Variants in SLC30A10 observed in about 807,000 individuals in gnomAD.
SLC30A10 encodes solute carrier family 30 member 10.
In SLC30A10, 8 loss-of-function variants were observed where a neutral mutation model predicts 21.7. The observed-to-expected ratio is 0.37, with a 90% CI of 0.22 to 0.67. The LOEUF (loss-of-function observed/expected upper bound fraction) is 0.67. SLC30A10 is among the 30% of genes least tolerant of loss of function. The pLI, the probability that SLC30A10 is intolerant of heterozygous loss-of-function variation, is 0.58. For synonymous variants in SLC30A10, 272 were observed against 279.4 expected (o/e 0.97, Z 0.26); for missense variants, 521 against 642.5 (o/e 0.81, Z 2.04).
At chr1:219,956,692 A>G (rs1341927615) in intron 1 of SLC30A10, among the ~76,000 whole-genome samples, 2 of 151,946 alleles carry the variant, frequency 1.3e-5, no homozygotes, top group Non-Finnish European at 1.5e-5. Flanking sequence ...AAAAGAAAAA[A>G]AAGAAACCCA....
chr1:219,947,633 A>C (rs1660207962), intron 1 of SLC30A10, among the ~76,000 whole-genome samples: 1 of 152,140 alleles, frequency 6.6e-6, no homozygotes, highest in South Asian at 2.1e-4. Context: ...AGGACAGGGA[A>C]TCTCCAGATA....
intron 1 of SLC30A10, among the ~76,000 whole-genome samples, chr1:219,946,636 G>C (rs1660189365): frequency 1.3e-5 from 2 of 151,974 alleles, no homozygotes; most frequent in African/African-American, 4.8e-5. Context: ...ATTAAGCCTG[G>C]CTCAGCCCTT....
chr1:219,922,461 G>C (rs1659720131), intron 2 of SLC30A10, among the ~76,000 whole-genome samples: 1 of 151,934 alleles, frequency 6.6e-6, no homozygotes, highest in Non-Finnish European at 1.5e-5. Flanking sequence ...GGCAACCACA[G>C]GAGAAGGCAT....
chr1:219,947,980 G>C (rs112663341), intron 1 of SLC30A10, among the ~76,000 whole-genome samples: 2 of 151,528 alleles, frequency 1.3e-5, no homozygotes, highest in Non-Finnish European at 2.9e-5. Context: ...GACAAACAGA[G>C]AGCCAAATCA....
chr1:219,936,861 T>A (rs911400320), intron 1 of SLC30A10, among the ~76,000 whole-genome samples: 26 of 152,332 alleles, frequency 1.7e-4, no homozygotes, highest in Middle Eastern at 6.8e-3. Flanking sequence ...TCCAAAACAC[T>A]TACATTCTAT....
At chr1:219,930,717 T>G (rs1659958793), upstream of SLC30A10, among the ~76,000 whole-genome samples, 2 of 152,192 alleles carry the variant, frequency 1.3e-5, no homozygotes, top group Admixed American at 1.3e-4. Context: ...TTGGAAGTAT[T>G]TTCTAAAAAT....
At chr1:219,938,161 TCTG>T (rs1435465456) in intron 1 of SLC30A10, among the ~76,000 whole-genome samples, 1 of 152,176 alleles carries the variant, frequency 6.6e-6, no homozygotes, top group African/African-American at 2.4e-5. Flanking sequence ...TATATCCAAA[TCTG>T]CTAACAGTGG....
rs1175278583 is a variant in SLC30A10, at chr1:219,918,420, G to A, written c.793C>T (p.Leu265Phe). 6.2e-7 allele frequency: 1 copy of A among 1,613,974 alleles called. No individual in the cohort carries two copies. Among genetic ancestry groups the A allele is most frequent in the Non-Finnish European group, 8.5e-7 (1 of 1,180,026 alleles). The change falls in exon 3 of 4, where the codon CTT becomes TTT. Residue 265 changes from leucine (L) to phenylalanine (F), a missense_variant. Leu to Phe is a conservative substitution (Grantham distance 22). Coordinates refer to ENST00000366926, the MANE Select transcript of SLC30A10 (RefSeq NM_018713.3). This position sits in a 1 kb window ranked among gnomAD's most constrained non-coding sequence, Gnocchi z 4.4. ...VVITAIIFYVLPLKSEDPCNW... is the reference protein window; with the variant it reads ...VVITAIIFYVFPLKSEDPCNW... ...CACGGGTCCTCACTCTTCAGGGGAA[G>A]CACATAGAATATGATGGCCGTGATG...
intron 1 of SLC30A10, among the ~76,000 whole-genome samples, chr1:219,941,313 A>G (rs1219398085): frequency 2.6e-5 from 4 of 152,164 alleles, no homozygotes. Flanking sequence ...CTAAGGCTGA[A>G]CTTCAGATGA....
chr1:219,941,459 G>A (rs1396514588), intron 1 of SLC30A10, among the ~76,000 whole-genome samples: 2 of 151,792 alleles, frequency 1.3e-5, no homozygotes, highest in South Asian at 2.1e-4. Context: ...GCTTCAAGTG[G>A]AAATGGAATT....
chr1:219,915,659 G>T lies in SLC30A10; in HGVS notation c.1248C>A (p.Pro416=), dbSNP rs781687046. 1.2e-6 allele frequency: 2 copies of T among 1,614,216 alleles called. No individual in the cohort carries two copies. Among genetic ancestry groups the T allele is most frequent in the Non-Finnish European group, 1.7e-6 (2 of 1,180,038 alleles). The change falls in exon 4 of 4, where the codon CCC becomes CCA. Residue 416 remains proline, a synonymous_variant. Coordinates refer to ENST00000366926, the MANE Select transcript of SLC30A10 (RefSeq NM_018713.3). ...SKGCAKQLCC[P]PGALPLAHVN... ...CGTGAGCCAGAGGCAGTGCCCCGGG[G>T]GGACAACACAGCTGCTTAGCACAGC...
At chr1:219,928,570 C>T (rs1659908754), upstream of SLC30A10, 2 of 822,250 alleles carry the variant, frequency 2.4e-6, no homozygotes, top group Non-Finnish European at 3.5e-6. The surrounding 1 kb of genome is among the most constrained non-coding windows in gnomAD (Gnocchi z 6.3). Context: ...CTCGCCGGCC[C>T]TGCCCCACCG....
At chr1:219,936,636 G>A (rs1660049128) in intron 1 of SLC30A10, among the ~76,000 whole-genome samples, 1 of 152,130 alleles carries the variant, frequency 6.6e-6, no homozygotes, top group Non-Finnish European at 1.5e-5. Flanking sequence ...TTCATTTCTT[G>A]TCTGGTCATT....
In SLC30A10 at chr1:219,911,171, TTTTG is replaced by T. The variant is rs1659408746; in HGVS notation, c.*4274_*4277del. On this transcript the variant is annotated 3_prime_UTR_variant, in exon 4 of 4. Coordinates refer to ENST00000366926, the MANE Select transcript of SLC30A10 (RefSeq NM_018713.3). ...TCAGTTTTTTTTTTTTTTTTTTTTT[TTTTG>T]CAGTCTTTTACTACAGGAATGTGAA... is the stretch of plus-strand genomic sequence containing the variant. Among the ~76,000 whole-genome samples, 1 of 138,722 alleles carries T rather than the reference TTTTG, an allele frequency of 7.2e-6. No individual in the cohort carries two copies. Among genetic ancestry groups the T allele is most frequent in the South Asian group, 2.3e-4 (1 of 4,372 alleles). The allele number at this position is 138,722 out of a possible 152,430, so 91.0% of individuals were successfully genotyped here.
At position 219,928,118 on chromosome 1, in the gene SLC30A10, T is replaced by TCGGGC; in HGVS notation, c.318_322dup (p.Glu108GlyfsTer86). 2 of 1,570,146 alleles carry TCGGGC rather than the reference T, an allele frequency of 1.3e-6. No homozygotes were observed. Among genetic ancestry groups the TCGGGC allele is most frequent in the Non-Finnish European group, 8.6e-7 (1 of 1,158,660 alleles). On this transcript the variant is annotated frameshift_variant, in exon 1 of 4. Coordinates refer to ENST00000366926, the MANE Select transcript of SLC30A10 (RefSeq NM_018713.3). LOFTEE classifies it high-confidence loss of function. The surrounding 1 kb of genome is among the most constrained non-coding windows in gnomAD (Gnocchi z 6.3). The stretch of plus-strand genomic sequence containing the variant: ...CACCAGCTCGGGGTCATCGATGCGC[T>TCGGGC]CGGGCCGGGCCAGGCGCAGCACGGC...
intron 2 of SLC30A10, among the ~76,000 whole-genome samples, chr1:219,925,651 A>ATTTTT (rs1210071228): frequency 6.2e-5 from 3 of 48,284 alleles, no homozygotes; most frequent in East Asian, 8.2e-4. Flanking sequence ...ATATATATAT[A>ATTTTT]TTTTTTTTTT....
At chr1:219,923,046 A>T (rs1398301870) in intron 2 of SLC30A10, among the ~76,000 whole-genome samples, 6 of 152,158 alleles carry the variant, frequency 3.9e-5, no homozygotes, top group Non-Finnish European at 7.3e-5. Flanking sequence ...GGGGGAGGTG[A>T]GGCCATGAAG....
intron 2 of SLC30A10, chr1:219,919,178 A>G (rs1474270215): frequency 1.3e-5 from 2 of 152,356 alleles, no homozygotes; most frequent in East Asian, 3.9e-4. Context: ...TGATTATGAT[A>G]TAGAACACAT....
intron 1 of SLC30A10, among the ~76,000 whole-genome samples, chr1:219,952,335 A>G (rs1660282424): frequency 6.6e-6 from 1 of 152,248 alleles, no homozygotes; most frequent in South Asian, 2.1e-4. Flanking sequence ...ACTGAGGTTT[A>G]GAAAGTTTAA....
Sources: gnomAD v4.1 joint callset for allele counts (sites outside exome capture counted in the v4.1 genomes callset) on GRCh38, gnomAD v4.1.1 for gene constraint, Gnocchi (gnomAD v3.1) non-coding constraint, MANE v1.5 for transcripts, NCBI Gene and HGNC (gene_info 2026-07-23, HGNC 2026-07-21) for gene names.